ZNF274: variants seen among roughly 807,000 people sequenced by gnomAD.
ZNF274 encodes zinc finger protein 274, also known as neurotrophin receptor-interacting factor homolog.
ZNF274 carries 23 observed loss-of-function variants against 42.5 expected under a neutral mutation model. The ratio of observed to expected loss-of-function variants is 0.54; its 90% confidence interval spans 0.39 to 0.77. The LOEUF (loss-of-function observed/expected upper bound fraction) is 0.77, where lower values mean the gene tolerates loss of function less well. Among genes scored for constraint, ZNF274 ranks in the 30% least tolerant of loss-of-function variants. The pLI is 0.00. For missense variants in ZNF274, 679 were observed against 806.5 expected (o/e 0.84, Z 1.91); for synonymous variants, 292 against 305.4 (o/e 0.96, Z 0.46).
intron 4 of ZNF274, among the ~76,000 whole-genome samples, chr19:58,205,971 ACAGTT>A (rs2075975021): frequency 6.6e-6 from 1 of 152,248 alleles, no homozygotes. Flanking sequence ...TGTAAAGTGT[ACAGTT>A]CAGTGTTTTT....
In ZNF274 at chr19:58,206,368, C is replaced by G. The variant is rs950032313; in HGVS notation, c.257-352C>G. The stretch of plus-strand genomic sequence containing the variant: ...TACTTGTTGGCTATTATGGATAACA[C>G]TTTGGTGAACATTCTTATAGAAGTT... On this transcript the variant is annotated intron_variant, in intron 4 of 7. Transcript: ENST00000617501. 5.9e-5 allele frequency among the ~76,000 whole-genome samples: 9 copies of G among 152,162 alleles called. No homozygotes were observed. The East Asian group carries it at 1.7e-3, about 29-fold the overall frequency.
At chr19:58,193,481 G>A (rs574747816) in intron 4 of ZNF274, among the ~76,000 whole-genome samples, 13 of 107,068 alleles carry the variant, frequency 1.2e-4, no homozygotes, top group Admixed American at 2.9e-4. Flanking sequence ...GGAGAGTCTC[G>A]CTCTGTCATC....
At chr19:58,188,547 G>A (rs1443064241) in intron 4 of ZNF274, among the ~76,000 whole-genome samples, 1 of 147,586 alleles carries the variant, frequency 6.8e-6, no homozygotes, top group Non-Finnish European at 1.5e-5. Context: ...AAACCCAGGA[G>A]ATGGAGGTTG....
At chr19:58,203,207 T>A (rs918406066) in intron 4 of ZNF274, among the ~76,000 whole-genome samples, 9 of 152,268 alleles carry the variant, frequency 5.9e-5, no homozygotes, top group African/African-American at 2.2e-4. Context: ...GCATGTCCCA[T>A]GTCCTAGGCA....
At position 58,188,720 on chromosome 19, in the gene ZNF274, ATAT is replaced by A. The variant is rs1568697917; in HGVS notation, c.256+1679_256+1681del. Among the ~76,000 whole-genome samples, 14 of 123,486 alleles carry A rather than the reference ATAT, an allele frequency of 1.1e-4. 1 individual carries two copies. Among genetic ancestry groups the A allele is most frequent in the African/African-American group, 3.8e-4 (13 of 34,520 alleles). The allele number at this position is 123,486 out of a possible 152,430, so 81.0% of individuals were successfully genotyped here. ...TATATATATATATATATATATATAT[ATAT>A]AAATCTTTAAAAATAGGCCAGGCAC... On this transcript the variant is annotated intron_variant, in intron 4 of 7. Transcript: ENST00000617501.
In ZNF274 at chr19:58,212,455, C is replaced by G. The variant is rs11883089; in HGVS notation, c.1274C>G (p.Pro425Arg). The change falls in exon 8 of 8, where the codon CCT (proline) becomes CGT (arginine). Residue 425 changes from proline (P) to arginine (R), a missense_variant. Transcript: ENST00000617501. This position sits in a 1 kb window ranked among gnomAD's most constrained non-coding sequence, Gnocchi z 4.6. ...NQVSLQKIDN[P>R]ESQANSGALD... ...GTTTCGCTCCAGAAAATTGACAACCCTGAGTCCCAGGCAAACAGTGGCGCT... is the reference window on the plus strand; with the variant it reads ...GTTTCGCTCCAGAAAATTGACAACCGTGAGTCCCAGGCAAACAGTGGCGCT... 5 of 1,612,578 alleles carry G rather than the reference C, an allele frequency of 3.1e-6. No homozygotes were observed. The highest frequency in any genetic ancestry group is 4.5e-5 in the East Asian group (2 of 44,896).
intron 4 of ZNF274, chr19:58,202,261 C>T (rs2075921962): frequency 6.6e-6 from 1 of 152,272 alleles, no homozygotes; most frequent in South Asian, 2.1e-4. Context: ...AGGAAGACAG[C>T]TGCCTAAGGC....
chr19:58,193,181 C>G (rs1020036520), intron 4 of ZNF274, among the ~76,000 whole-genome samples: 15 of 150,808 alleles, frequency 9.9e-5, no homozygotes, highest in Non-Finnish European at 1.6e-4. Flanking sequence ...CAGTCTCGCT[C>G]TGTTGCCCAG....
chr19:58,186,862 G>T, intron 3 of ZNF274, 85 bp from the exon 4 acceptor site: 1 of 1,160,736 alleles, frequency 8.6e-7, no homozygotes, highest in South Asian at 1.4e-5. Flanking sequence ...CAGGGGAGAA[G>T]CTGGAGACGG....
At position 58,212,607 on chromosome 19, in the gene ZNF274, C is replaced by T. The variant is rs2076055992; in HGVS notation, c.1426C>T (p.Gln476Ter). 6.2e-7 allele frequency: 1 copy of T among 1,613,878 alleles called. No individual in the cohort carries two copies. Among genetic ancestry groups the T allele is most frequent in the African/African-American group, 1.3e-5 (1 of 74,932 alleles). Residue 476 changes from glutamine (Q) to a stop codon, truncating the protein, a stop_gained, in exon 8 of 8, where the codon CAA (glutamine) becomes TAA (stop). Transcript: ENST00000617501. LOFTEE classifies it low-confidence loss of function (END_TRUNC). This position sits in a 1 kb window ranked among gnomAD's most constrained non-coding sequence, Gnocchi z 4.6. The stretch of plus-strand genomic sequence containing the variant: ...AATTCATCAGAAGAGCTGTGAAAGG[C>T]AAAAGGCCAAGGAAGGCAATGGTTG... ...VKIHQKSCER[Q>*]KAKEGNGCRK... is the part of the protein sequence containing the mutation.
rs554534285 is a variant in ZNF274, at chr19:58,207,625, C to T, written c.739+423C>T. On this transcript the variant is annotated intron_variant, in intron 5 of 7. Coordinates refer to ENST00000617501, the MANE Select transcript of ZNF274 (RefSeq NM_133502.3). The surrounding 1 kb of genome is among the most constrained non-coding windows in gnomAD (Gnocchi z 5.6). ...GAGGCTTATGAAGGTCTGCAGCTGA[C>T]ACCTGGTGTGGAGTGGAACTTGGCC... 2.0e-5 allele frequency among the ~76,000 whole-genome samples: 3 copies of T among 152,144 alleles called. No homozygotes were observed. The highest frequency in any genetic ancestry group is 2.0e-4 in the Admixed American group (3 of 15,274).
intron 6 of ZNF274, chr19:58,210,915 C>T (rs1250636800): frequency 6.6e-6 from 1 of 152,340 alleles, no homozygotes; most frequent in Non-Finnish European, 1.5e-5. Flanking sequence ...GGGGTTTCAC[C>T]ATGTTGGCCA....
intron 4 of ZNF274, among the ~76,000 whole-genome samples, chr19:58,188,709 T>TATATAC (rs2075741546): frequency 8.1e-6 from 1 of 123,736 alleles, no homozygotes; most frequent in Non-Finnish European, 1.7e-5. Flanking sequence ...TATATATATA[T>TATATAC]ATATATATAT....
intron 4 of ZNF274, among the ~76,000 whole-genome samples, chr19:58,200,127 C>T (rs1488979195): frequency 6.6e-6 from 1 of 152,300 alleles, no homozygotes; most frequent in African/African-American, 2.4e-5. Flanking sequence ...TGAGCACTTG[C>T]CAGGATTCCA....
Sources: allele counts gnomAD v4.1 joint callset (sites outside exome capture counted in the v4.1 genomes callset), GRCh38; gene constraint gnomAD v4.1.1; non-coding constraint Gnocchi (gnomAD v3.1); transcripts MANE v1.5; gene names NCBI Gene and HGNC (gene_info 2026-07-23, HGNC 2026-07-21).